The following CHIT1 variants were observed in gnomAD, a reference collection of about 807,000 sequenced individuals.
CHIT1 encodes the protein chitotriosidase-1.
CHIT1 carries 47 observed loss-of-function variants against 52.0 expected under a neutral mutation model. That is an observed-to-expected ratio of 0.90 (90% CI 0.71 to 1.15). The LOEUF is 1.15. CHIT1 is among the 50% of genes most tolerant of loss of function. The pLI, the probability that CHIT1 is intolerant of heterozygous loss-of-function variation, is 0.00. For synonymous variants in CHIT1, 242 were observed against 228.2 expected, an observed-to-expected ratio of 1.06 and a Z score of -0.54; for missense variants, 569 against 583.0, an observed-to-expected ratio of 0.98 and a Z score of 0.25.
At chr1:203,219,894 T>C in intron 7 of CHIT1, 45 bp from the exon 8 acceptor site, 1 of 1,605,834 alleles carries the variant, frequency 6.2e-7, no homozygotes, top group Non-Finnish European at 8.5e-7. Flanking sequence ...CTCAGCCTGG[T>C]TCTGATTATC....
At chr1:203,223,287 C>T in intron 5 of CHIT1, 28 bp from the exon 6 acceptor site, 2 of 1,613,624 alleles carry the variant, frequency 1.2e-6, no homozygotes, top group Non-Finnish European at 1.7e-6. Flanking sequence ...AGAGTCAACA[C>T]AGGGGCGCGC....
chr1:203,226,760 C>T (rs372866545), intron 2 of CHIT1, among the ~76,000 whole-genome samples: 3 of 149,856 alleles, frequency 2.0e-5, no homozygotes, highest in African/African-American at 7.4e-5. Context: ...GTGGTGATGA[C>T]CCCCACTGAG....
intron 4 of CHIT1, among the ~76,000 whole-genome samples, chr1:203,224,571 T>C (rs1158869784): frequency 6.6e-6 from 1 of 152,166 alleles, no homozygotes; most frequent in Non-Finnish European, 1.5e-5. Flanking sequence ...ATTTTCTCCA[T>C]AAATCATTTA....
chr1:203,223,755 G>A (rs989174079), intron 4 of CHIT1, 95 bp from the exon 5 acceptor site: 74 of 1,281,642 alleles, frequency 5.8e-5, no homozygotes, highest in African/African-American at 2.8e-4. Context: ...AGGACAGTGC[G>A]TCTCTGTGTC....
chr1:203,219,403 G>T (rs1307806121), intron 8 of CHIT1, 74 bp from the exon 9 acceptor site: 1 of 966,454 alleles, frequency 1.0e-6, no homozygotes, highest in Non-Finnish European at 1.7e-6. Flanking sequence ...TCACCAGGAG[G>T]AGACTAGAGA....
chr1:203,226,784 AG>A (rs1656945494), intron 2 of CHIT1, among the ~76,000 whole-genome samples: 1 of 152,008 alleles, frequency 6.6e-6, no homozygotes, highest in South Asian at 2.1e-4. Context: ...AGCCCTGTGC[AG>A]GGTTGACCAG....
intron 5 of CHIT1, 81 bp downstream of exon 5, chr1:203,223,414 G>C (rs1272523444): frequency 6.2e-7 from 1 of 1,600,866 alleles, no homozygotes; most frequent in African/African-American, 1.3e-5. Flanking sequence ...TCTGGGGGCA[G>C]AGCAGCCCCC....
At chr1:203,228,655 A>G in intron 1 of CHIT1, 93 bp from the exon 2 acceptor site, 4 of 1,393,488 alleles carry the variant, frequency 2.9e-6, no homozygotes, top group Non-Finnish European at 1.0e-6. Context: ...GTGGTCAGGG[A>G]GGGCTGATTT....
At chr1:203,218,100 G>A (rs1310351312) in intron 9 of CHIT1, 4 of 1,491,238 alleles carry the variant, frequency 2.7e-6, no homozygotes, top group Non-Finnish European at 2.7e-6. Flanking sequence ...ACCTGGGGTG[G>A]GGTGGGTGCA....
chr1:203,229,628 C>T lies in CHIT1; in HGVS notation c.9G>A (p.Arg3=). 2 of 1,614,130 alleles carry T rather than the reference C, an allele frequency of 1.2e-6. No individual in the cohort carries two copies. The highest frequency in any genetic ancestry group is 2.2e-5 in the South Asian group (2 of 91,058). MV[R]SVAWAGFMVL... ...ACGGCTCACCTGCCCAGGCCACAGA[C>T]CGCACCATGATGCAGCTCAGCGGCA... Residue 3 remains arginine (R), a synonymous_variant, in exon 1 of 11, where the codon CGG becomes CGA. Transcript: ENST00000367229.
At chr1:203,219,939 G>C in intron 7 of CHIT1, 90 bp from the exon 8 acceptor site, 10 of 1,465,804 alleles carry the variant, frequency 6.8e-6, no homozygotes, top group Non-Finnish European at 9.4e-6. Flanking sequence ...AGCTAGGAGG[G>C]CAGGGGCTCC....
At chr1:203,227,367 G>A (rs1266029303) in intron 2 of CHIT1, among the ~76,000 whole-genome samples, 1 of 152,206 alleles carries the variant, frequency 6.6e-6, no homozygotes, top group East Asian at 1.9e-4. Context: ...CATCCCCCAG[G>A]CCATGTAGGA....
At position 203,223,188 on chromosome 1, in the gene CHIT1, A is replaced by C. The variant is rs1471038042; in HGVS notation, c.552T>G (p.Val184=). The change falls in exon 6 of 11, where the codon GTT becomes GTG. Residue 184 remains valine (V), a synonymous_variant. Transcript: ENST00000367229. ...GKERLLLSAA[V]PAGQTYVDAG... Reference sequence around the variant, plus strand: ...CATCCACATAGGTCTGCCCAGCTGGAACCGCTGCACTCAGAAGAAGGCGTT... The same window carrying C: ...CATCCACATAGGTCTGCCCAGCTGGCACCGCTGCACTCAGAAGAAGGCGTT... The C allele has an allele frequency of 6.2e-7, 1 of 1,614,178 alleles. No homozygotes were observed. Among genetic ancestry groups the C allele is most frequent in the Non-Finnish European group, 8.5e-7 (1 of 1,180,040 alleles).
chr1:203,229,475 G>A (rs1657053318), intron 1 of CHIT1, 137 bp downstream of exon 1: 1 of 940,326 alleles, frequency 1.1e-6, no homozygotes, highest in Admixed American at 2.0e-5. Context: ...CAGGAGGCAT[G>A]GAGAGGGATA....
chr1:203,226,596 C>T (rs1656940344), intron 2 of CHIT1, among the ~76,000 whole-genome samples: 2 of 152,106 alleles, frequency 1.3e-5, no homozygotes, highest in Non-Finnish European at 2.9e-5. Flanking sequence ...TTATCAATAT[C>T]ACTGCTGAGA....
chr1:203,219,479 G>T, intron 8 of CHIT1, 150 bp from the exon 9 acceptor site: 1 of 890,358 alleles, frequency 1.1e-6, no homozygotes, highest in Non-Finnish European at 1.9e-6. Flanking sequence ...CTAGAATTCT[G>T]GACTCAGCTT....
chr1:203,224,390 T>A (rs1205610802), intron 4 of CHIT1, among the ~76,000 whole-genome samples: 2 of 152,196 alleles, frequency 1.3e-5, no homozygotes, highest in Non-Finnish European at 2.9e-5. Flanking sequence ...TCCTGCTGCA[T>A]TTCAATAAAC....
At chr1:203,220,142 G>A (rs1470765678) in intron 7 of CHIT1, among the ~76,000 whole-genome samples, 1 of 152,152 alleles carries the variant, frequency 6.6e-6, no homozygotes, top group Non-Finnish European at 1.5e-5. Flanking sequence ...CGCTGTCCAT[G>A]GTGCTTCAGA....
intron 7 of CHIT1, 100 bp from the exon 8 acceptor site, chr1:203,219,949 C>A: frequency 3.5e-6 from 5 of 1,417,820 alleles, no homozygotes; most frequent in Middle Eastern, 2.4e-4. Context: ...GCAGGGGCTC[C>A]TCAGCTGGAG....
Sources: allele counts gnomAD v4.1 joint callset (sites outside exome capture counted in the v4.1 genomes callset), GRCh38; gene constraint gnomAD v4.1.1; transcripts MANE v1.5; gene names NCBI Gene and HGNC (gene_info 2026-07-23, HGNC 2026-07-21).